Variants in ZNF540 observed in about 807,000 individuals in gnomAD.
The protein encoded by ZNF540 is zinc finger protein 540.
ZNF540 carries 3 observed loss-of-function variants against 11.8 expected under a neutral mutation model. That is an observed-to-expected ratio of 0.25 (90% CI 0.12 to 0.65). The LOEUF is 0.65. Ranked by LOEUF, ZNF540 falls within the 30% of genes least tolerant of loss-of-function variation. ZNF540 has a pLI of 0.83. For synonymous variants in ZNF540, 247 were observed against 259.0 expected (o/e 0.95, Z 0.45); for missense variants, 709 against 793.1 (o/e 0.89, Z 1.27).
At chr19:37,611,427 CT>C in intron 4 of ZNF540, 85 bp from the exon 5 acceptor site, 1 of 1,124,798 alleles carries the variant, frequency 8.9e-7, no homozygotes. Context: ...ACCGTTTTCA[CT>C]TTGTTTCCTA....
At chr19:37,588,352 T>C (rs2043754457) in intron 1 of ZNF540, among the ~76,000 whole-genome samples, 1 of 152,048 alleles carries the variant, frequency 6.6e-6, no homozygotes, top group African/African-American at 2.4e-5. Flanking sequence ...AAAATACCAC[T>C]CCTATCATTA....
intron 2 of ZNF540, 80 bp downstream of exon 2, chr19:37,598,536 A>G (rs1365968594): frequency 6.6e-7 from 1 of 1,520,022 alleles, no homozygotes; most frequent in Admixed American, 1.7e-5. Flanking sequence ...TTATGCTGAC[A>G]CTTCCTAAGA....
At chr19:37,593,287 A>C (rs2043921257), upstream of ZNF540, among the ~76,000 whole-genome samples, 1 of 152,256 alleles carries the variant, frequency 6.6e-6, no homozygotes, top group Non-Finnish European at 1.5e-5. Context: ...TTTTAATTAC[A>C]GCTAGGTGTT....
At chr19:37,556,134 T>A in intron 1 of ZNF540, 1 of 702,734 alleles carries the variant, frequency 1.4e-6, no homozygotes, top group Non-Finnish European at 2.6e-6. Flanking sequence ...CGGCAGATTG[T>A]GTTGCTCTTC....
At chr19:37,583,317 C>A (rs747061579) in intron 1 of ZNF540, among the ~76,000 whole-genome samples, 2 of 152,096 alleles carry the variant, frequency 1.3e-5, no homozygotes, top group Non-Finnish European at 2.9e-5. Context: ...AAACGTAATT[C>A]AAAAAATAGA....
At chr19:37,582,094 T>G (rs1262375152) in intron 1 of ZNF540, among the ~76,000 whole-genome samples, 1 of 152,214 alleles carries the variant, frequency 6.6e-6, no homozygotes, top group African/African-American at 2.4e-5. Flanking sequence ...TAAACTCTAT[T>G]TGTAACTTTG....
chr19:37,609,417 G>A (rs893816126), intron 4 of ZNF540, among the ~76,000 whole-genome samples: 1 of 151,926 alleles, frequency 6.6e-6, no homozygotes. Flanking sequence ...GGTGGTGGGT[G>A]CCTGTTATCC....
intron 1 of ZNF540, among the ~76,000 whole-genome samples, chr19:37,579,003 C>G (rs763379518): frequency 6.6e-6 from 1 of 151,910 alleles, no homozygotes; most frequent in Non-Finnish European, 1.5e-5. Context: ...TTGCAGGAGT[C>G]CTGCTCCAGT....
intron 4 of ZNF540, among the ~76,000 whole-genome samples, chr19:37,603,897 T>G (rs2044060214): frequency 6.6e-6 from 1 of 152,204 alleles, no homozygotes; most frequent in Admixed American, 6.5e-5. Flanking sequence ...TTTGCAGATT[T>G]TTTTTAGTTG....
At chr19:37,583,974 A>G (rs756415238) in intron 1 of ZNF540, 16 of 1,607,088 alleles carry the variant, frequency 1.0e-5, no homozygotes, top group Admixed American at 6.8e-5. Context: ...ATCTTACCCA[A>G]TGAGATCAGG....
intron 1 of ZNF540, chr19:37,563,392 G>C (rs939692894): frequency 2.6e-5 from 4 of 151,814 alleles, no homozygotes; most frequent in African/African-American, 9.7e-5. Flanking sequence ...CGAGATCTGG[G>C]TCTCTAAAAA....
chr19:37,568,050 A>T (rs570718632), intron 1 of ZNF540, among the ~76,000 whole-genome samples: 4 of 152,226 alleles, frequency 2.6e-5, no homozygotes, highest in Admixed American at 6.5e-5. Context: ...CACAATAAAG[A>T]TCTTATATTA....
chr19:37,555,721 C>G lies in ZNF540; in HGVS notation c.-73+4056C>G, dbSNP rs2042651991. On this transcript the variant is annotated intron_variant, in intron 1 of 4. Transcript: ENST00000592533. Reference sequence around the variant, plus strand: ...TTGGCTTGGGTGGGCTCCATGAGACCAGGATTTTTTGGATGGTGAACATAG... The same window carrying G: ...TTGGCTTGGGTGGGCTCCATGAGACGAGGATTTTTTGGATGGTGAACATAG... 1.0e-5 allele frequency: 6 copies of G among 602,746 alleles called. No individual in the cohort carries two copies. In the East Asian group the frequency reaches 1.7e-4, roughly 17 times the overall value. The allele number at this position is 602,746 out of a possible 1,614,324, so 37.3% of individuals were successfully genotyped here. A position where few individuals can be genotyped will look rare whatever the true frequency, so the allele number is the denominator to read the frequency against.
At chr19:37,597,234 GA>G (rs914637022) in intron 1 of ZNF540, among the ~76,000 whole-genome samples, 52 of 152,162 alleles carry the variant, frequency 3.4e-4, no homozygotes, top group Admixed American at 7.8e-4. Flanking sequence ...AGGGAGAAGG[GA>G]GGGTGAATGA....
At chr19:37,588,685 A>G (rs1242459360) in intron 1 of ZNF540, among the ~76,000 whole-genome samples, 2 of 152,176 alleles carry the variant, frequency 1.3e-5, no homozygotes, top group Non-Finnish European at 2.9e-5. Flanking sequence ...AAACCTGAAC[A>G]TGTACCCCCT....
At chr19:37,611,464 T>C (rs1461447581) in intron 4 of ZNF540, 49 bp from the exon 5 acceptor site, 11 of 1,453,410 alleles carry the variant, frequency 7.6e-6, no homozygotes, top group Non-Finnish European at 1.0e-5. Flanking sequence ...CTTTATGTTA[T>C]GCTGGCTACA....
At chr19:37,583,589 T>A (rs2043553329) in intron 1 of ZNF540, 1 of 162,324 alleles carries the variant, frequency 6.2e-6, no homozygotes, top group South Asian at 1.6e-4. Flanking sequence ...TGACCAGCCT[T>A]TATTCACCTG....
intron 1 of ZNF540, among the ~76,000 whole-genome samples, chr19:37,579,046 C>T (rs147925575): frequency 5.3e-5 from 8 of 152,336 alleles, no homozygotes; most frequent in Middle Eastern, 3.4e-3. Context: ...CCTGCCCCCA[C>T]CTGAACATTT....
At chr19:37,596,839 A>C (rs1600555055) in intron 1 of ZNF540, among the ~76,000 whole-genome samples, 1 of 152,224 alleles carries the variant, frequency 6.6e-6, no homozygotes, top group African/African-American at 2.4e-5. Flanking sequence ...TGTTGTAAAT[A>C]TAAAATGCTA....
Sources: allele counts gnomAD v4.1 joint callset (sites outside exome capture counted in the v4.1 genomes callset), GRCh38; gene constraint gnomAD v4.1.1; transcripts MANE v1.5; gene names NCBI Gene and HGNC (gene_info 2026-07-23, HGNC 2026-07-21).